Variants in CDH10 observed in about 807,000 individuals in gnomAD.
CDH10 encodes cadherin 10.
CDH10 carries 30 observed loss-of-function variants against 73.1 expected under a neutral mutation model. The ratio of observed to expected loss-of-function variants is 0.41; its 90% confidence interval spans 0.31 to 0.56. CDH10 has a LOEUF of 0.56. CDH10 is among the 20% of genes least tolerant of loss of function. The probability of loss-of-function intolerance (pLI) is 0.27; values close to 1 mark genes in which losing one functional copy is unlikely to be tolerated. For synonymous variants in CDH10, 345 were observed against 348.2 expected (o/e 0.99, Z 0.10); for missense variants, 815 against 973.7 (o/e 0.84, Z 2.17).
At chr5:24,592,492 A>G (rs1159593395) in intron 2 of CDH10, among the ~76,000 whole-genome samples, 4 of 151,826 alleles carry the variant, frequency 2.6e-5, no homozygotes, top group South Asian at 2.1e-4. Context: ...TCTAACTTCA[A>G]TTAGATTCAG....
chr5:24,626,333 G>A (rs1212509305), intron 1 of CDH10, among the ~76,000 whole-genome samples: 2 of 152,038 alleles, frequency 1.3e-5, no homozygotes, highest in Non-Finnish European at 2.9e-5. Context: ...ATAATTTGAA[G>A]CTTATTTGGC....
intron 5 of CDH10, among the ~76,000 whole-genome samples, chr5:24,522,406 A>G (rs1215874316): frequency 1.3e-5 from 2 of 152,154 alleles, no homozygotes; most frequent in African/African-American, 4.8e-5. Context: ...CCTAGTAAAG[A>G]ATGCATTCTA....
At chr5:24,633,551 G>C (rs1747772082) in intron 1 of CDH10, among the ~76,000 whole-genome samples, 1 of 151,728 alleles carries the variant, frequency 6.6e-6, no homozygotes, top group Admixed American at 6.6e-5. Context: ...TCAGCCCCTG[G>C]TTTCTTTGTG....
chr5:24,577,613 ATT>A (rs1484669242), intron 2 of CDH10, among the ~76,000 whole-genome samples: 1 of 152,224 alleles, frequency 6.6e-6, no homozygotes, highest in African/African-American at 2.4e-5. Flanking sequence ...CAAACATAAT[ATT>A]CTTATCAGGT....
chr5:24,550,382 T>TA (rs965879175), intron 2 of CDH10, among the ~76,000 whole-genome samples: 105 of 150,286 alleles, frequency 7.0e-4, no homozygotes, highest in African/African-American at 2.3e-3. Flanking sequence ...GCTATAAATC[T>TA]AAAAAAAAAT....
intron 2 of CDH10, among the ~76,000 whole-genome samples, chr5:24,541,007 C>T (rs146036011): frequency 0.011 from 1,735 of 151,848 alleles, 34 homozygotes; most frequent in African/African-American, 0.038. Flanking sequence ...AAAAACCTTA[C>T]ACTTCTTATG....
chr5:24,573,456 CT>C (rs1745472577), intron 2 of CDH10, among the ~76,000 whole-genome samples: 1 of 151,912 alleles, frequency 6.6e-6, no homozygotes, highest in South Asian at 2.1e-4. Flanking sequence ...AATCCCAGCA[CT>C]TTGGGAGGCC....
intron 5 of CDH10, among the ~76,000 whole-genome samples, chr5:24,515,126 T>C (rs1743061015): frequency 6.6e-6 from 1 of 152,160 alleles, no homozygotes; most frequent in African/African-American, 2.4e-5. Flanking sequence ...TAACAGATAG[T>C]ATCAAGATTG....
At chr5:24,523,472 A>T (rs908261946) in intron 5 of CDH10, among the ~76,000 whole-genome samples, 47 of 152,170 alleles carry the variant, frequency 3.1e-4, no homozygotes, top group Non-Finnish European at 5.9e-4. Flanking sequence ...TACCATATCA[A>T]TGTTCTCTCC....
chr5:24,605,081 A>G (rs1402037643), intron 1 of CDH10, among the ~76,000 whole-genome samples: 1 of 152,194 alleles, frequency 6.6e-6, no homozygotes, highest in African/African-American at 2.4e-5. Context: ...AAATATATAG[A>G]TGGAAAATAA....
At chr5:24,626,792 A>ATATGTGTGTGTGTG (rs991988107) in intron 1 of CDH10, among the ~76,000 whole-genome samples, 2 of 149,052 alleles carry the variant, frequency 1.3e-5, no homozygotes, top group African/African-American at 4.9e-5. Context: ...ATATATATAT[A>ATATGTGTGTGTGTG]TGTGTGTGTG....
chr5:24,544,123 G>A (rs1253057560), intron 2 of CDH10, among the ~76,000 whole-genome samples: 13 of 152,010 alleles, frequency 8.6e-5, no homozygotes, highest in Non-Finnish European at 1.5e-5. Context: ...GTGAAACCCC[G>A]TCTCTACTAA....
At chr5:24,542,320 C>T (rs932900920) in intron 2 of CDH10, among the ~76,000 whole-genome samples, 2 of 152,152 alleles carry the variant, frequency 1.3e-5, no homozygotes, top group African/African-American at 4.8e-5. Context: ...CTATAGCAAA[C>T]TACAATCATG....
chr5:24,523,867 A>C (rs1743428634), intron 5 of CDH10, among the ~76,000 whole-genome samples: 1 of 152,146 alleles, frequency 6.6e-6, no homozygotes, highest in Non-Finnish European at 1.5e-5. Flanking sequence ...CATTAAAATG[A>C]ATCTAAATTT....
rs1164922293 is a variant in CDH10, at chr5:24,525,635, G to A, written c.814+9477C>T. ...GGCATTTAGGAGAAAGCAGAGGAGA[G>A]CTGAAAGTCACACCAGAGACTGAGA... is the stretch of plus-strand genomic sequence containing the variant. On this transcript the variant is annotated intron_variant, in intron 5 of 11. Transcript: ENST00000264463. 2.6e-5 allele frequency among the ~76,000 whole-genome samples: 4 copies of A among 152,080 alleles called. No homozygotes were observed. In the East Asian group the frequency reaches 7.7e-4, roughly 29 times the overall value.
chr5:24,499,310 G>A (rs184023821), intron 8 of CDH10: 29 of 152,688 alleles, frequency 1.9e-4, no homozygotes, highest in African/African-American at 6.7e-4. Context: ...AATTAGCTCA[G>A]TAGTAAGAAA....
At chr5:24,615,478 A>T (rs1334938064) in intron 1 of CDH10, among the ~76,000 whole-genome samples, 1 of 152,208 alleles carries the variant, frequency 6.6e-6, no homozygotes, top group African/African-American at 2.4e-5. Context: ...ACTAGTTTTG[A>T]TTGTTCCCTT....
intron 5 of CDH10, among the ~76,000 whole-genome samples, chr5:24,512,302 C>T (rs968826574): frequency 3.4e-5 from 5 of 147,806 alleles, no homozygotes; most frequent in African/African-American, 1.3e-4. Flanking sequence ...ACGCACCAAC[C>T]AAGCGTGTAT....
intron 5 of CDH10, among the ~76,000 whole-genome samples, chr5:24,533,381 T>G (rs1743818923): frequency 6.6e-6 from 1 of 151,860 alleles, no homozygotes; most frequent in African/African-American, 2.4e-5. Flanking sequence ...TGAGACAAGA[T>G]ATGGGATGAT....
Sources: allele counts gnomAD v4.1 joint callset (sites outside exome capture counted in the v4.1 genomes callset), GRCh38; gene constraint gnomAD v4.1.1; transcripts MANE v1.5; gene names NCBI Gene and HGNC (gene_info 2026-07-23, HGNC 2026-07-21).